The following ROCK1 variants were observed in gnomAD, a reference collection of about 807,000 sequenced individuals.
ROCK1 encodes rho-associated protein kinase 1.
In ROCK1, 36 loss-of-function variants were observed where a neutral mutation model predicts 196.8. The observed-to-expected ratio is 0.18, with a 90% CI of 0.14 to 0.24. ROCK1 has a LOEUF of 0.24. ROCK1 is among the 10% of genes least tolerant of loss of function. ROCK1 has a pLI of 1.00. For missense variants in ROCK1, 920 were observed against 1,562.0 expected (o/e 0.59, Z 6.93); for synonymous variants, 443 against 515.9 (o/e 0.86, Z 1.91).
At chr18:21,071,105 CTTCT>C (rs778161045) in intron 1 of ROCK1, among the ~76,000 whole-genome samples, 62 of 150,562 alleles carry the variant, frequency 4.1e-4, no homozygotes, top group African/African-American at 1.4e-3. Flanking sequence ...TGTCATGGGT[CTTCT>C]TTCTTTCTTT....
chr18:20,990,830 G>A (rs1047413951), intron 18 of ROCK1, among the ~76,000 whole-genome samples: 12 of 150,776 alleles, frequency 8.0e-5, no homozygotes, highest in African/African-American at 2.2e-4. Flanking sequence ...ACACCATCTC[G>A]GCTCACTGCA....
At chr18:21,078,869 C>G (rs531549060) in intron 1 of ROCK1, among the ~76,000 whole-genome samples, 184 of 152,238 alleles carry the variant, frequency 1.2e-3, no homozygotes, top group Non-Finnish European at 2.2e-3. Flanking sequence ...AGTGGCTATT[C>G]TCAGGAGGCT....
At chr18:21,042,420 C>G (rs1343205539) in intron 7 of ROCK1, 145 bp downstream of exon 7, 2 of 1,048,978 alleles carry the variant, frequency 1.9e-6, no homozygotes, top group East Asian at 5.3e-5. Flanking sequence ...CTTTTAAAAA[C>G]ACATACGAAG....
At chr18:20,993,021 TG>T (rs963946552) in intron 16 of ROCK1, 84 bp from the exon 17 acceptor site, 24 of 799,032 alleles carry the variant, frequency 3.0e-5, no homozygotes, top group Admixed American at 1.9e-4. Context: ...TTTTAAAAAA[TG>T]TTTTTTTAAT....
At chr18:21,048,422 A>G (rs909627280) in intron 4 of ROCK1, among the ~76,000 whole-genome samples, 1 of 152,184 alleles carries the variant, frequency 6.6e-6, no homozygotes, top group Non-Finnish European at 1.5e-5. Context: ...AAAAAATTCA[A>G]TATTAACTAA....
chr18:21,043,576 G>A (rs1411268184), intron 6 of ROCK1, among the ~76,000 whole-genome samples: 1 of 143,370 alleles, frequency 7.0e-6, no homozygotes, highest in African/African-American at 2.6e-5. Flanking sequence ...TATACATAAT[G>A]TATATGTATA....
intron 1 of ROCK1, among the ~76,000 whole-genome samples, chr18:21,103,711 C>T (rs1029726448): frequency 4.5e-4 from 69 of 152,136 alleles, no homozygotes; most frequent in African/African-American, 1.6e-3. Context: ...TCCAAAAGTG[C>T]TGGGATTACA....
rs544652775 is a variant in ROCK1 at position 21,067,665 on chromosome 18, G to T, written c.175+2867C>A. On this transcript the variant is annotated intron_variant, in intron 2 of 32. Coordinates refer to ENST00000399799, the MANE Select transcript of ROCK1 (RefSeq NM_005406.3). ...GCCTCCCAAAGTGCTGGGATTACAG[G>T]CGTGAGCCACCATGCCTGGCCTTCA... Among the ~76,000 whole-genome samples the T allele has an allele frequency of 1.5e-3, 226 of 152,292 alleles. 1 individual carries two copies. Among genetic ancestry groups the T allele is most frequent in the Non-Finnish European group, 2.7e-3 (187 of 68,022 alleles).
chr18:20,991,248 G>A lies in ROCK1; in HGVS notation c.2071C>T (p.His691Tyr). The A allele has an allele frequency of 1.9e-6, 3 of 1,611,888 alleles. No individual in the cohort carries two copies. Among genetic ancestry groups the A allele is most frequent in the Non-Finnish European group, 2.5e-6 (3 of 1,178,468 alleles). The stretch of plus-strand genomic sequence containing the variant: ...GTTAAACGAGCTTTGGTTACTTTGT[G>A]TTCATTTACCTCTTGTTCTAACCGT... ...QQRLEQEVNE[H>Y]KVTKARLTDK... Residue 691 changes from histidine (H) to tyrosine (Y), a missense_variant, in exon 18 of 33, where the codon CAC becomes TAC. Physicochemically the swap from His to Tyr is moderately conservative, Grantham distance 83. Around this residue, in one of 6 missense-constraint regions of ROCK1, gnomAD observed 520 missense variants for 657.1 expected, o/e 0.79. Coordinates refer to ENST00000399799, the MANE Select transcript of ROCK1 (RefSeq NM_005406.3).
intron 9 of ROCK1, among the ~76,000 whole-genome samples, chr18:21,035,708 G>A (rs910684944): frequency 3.9e-5 from 6 of 152,034 alleles, no homozygotes; most frequent in African/African-American, 1.2e-4. Flanking sequence ...GTCTATTAAC[G>A]GATAAATGGA....
chr18:20,959,123 ATATATAT>A (rs2035295286), intron 29 of ROCK1, among the ~76,000 whole-genome samples: 2 of 50,766 alleles, frequency 3.9e-5, no homozygotes, highest in South Asian at 3.8e-4. Flanking sequence ...ATTATATAAT[ATATATAT>A]TATATATATT....
chr18:21,015,452 T>C lies in ROCK1; in HGVS notation c.1389A>G (p.Ile463Met). Residue 463 changes from isoleucine (I) to methionine (M), a missense_variant, in exon 13 of 33, where the codon ATA becomes ATG. By Grantham distance (10) the Ile-to-Met change is conservative. This residue lies in a region of ROCK1 where 520 missense variants were observed against 657.1 expected (regional missense o/e 0.79). Transcript: ENST00000399799. ...CRTSNIKLDK[I>M]MKELDEEGNQ... Reference sequence around the variant, plus strand: ...GTACCTCTTCATCCAATTCTTTCATTATCTTGTCTAGTTTTATGTTTGAGG... The same window carrying C: ...GTACCTCTTCATCCAATTCTTTCATCATCTTGTCTAGTTTTATGTTTGAGG... 2 of 1,567,558 alleles carry C rather than the reference T, an allele frequency of 1.3e-6. No homozygotes were observed. Among genetic ancestry groups the C allele is most frequent in the Non-Finnish European group, 1.8e-6 (2 of 1,142,286 alleles).
chr18:21,093,266 C>G (rs2036586208), intron 1 of ROCK1, among the ~76,000 whole-genome samples: 1 of 152,150 alleles, frequency 6.6e-6, no homozygotes. Flanking sequence ...ACCAAAGAAG[C>G]CGATCTGGAA....
At chr18:20,965,468 A>C (rs2143350243) in intron 27 of ROCK1, among the ~76,000 whole-genome samples, 1 of 152,228 alleles carries the variant, frequency 6.6e-6, no homozygotes, top group Admixed American at 6.5e-5. Flanking sequence ...GAATGTATAC[A>C]TACATACATA....
At chr18:20,981,763 A>G (rs916714980) in intron 21 of ROCK1, among the ~76,000 whole-genome samples, 4 of 152,234 alleles carry the variant, frequency 2.6e-5, no homozygotes, top group Non-Finnish European at 5.9e-5. Context: ...CAAATGAAAA[A>G]AGAATAAGGG....
At chr18:21,089,562 G>C (rs1376747157) in intron 1 of ROCK1, among the ~76,000 whole-genome samples, 1 of 151,984 alleles carries the variant, frequency 6.6e-6, no homozygotes, top group Admixed American at 6.5e-5. Flanking sequence ...TAATGGGTGG[G>C]GTTTACATCC....
intron 16 of ROCK1, among the ~76,000 whole-genome samples, chr18:21,001,267 T>C (rs2035721625): frequency 6.6e-6 from 1 of 152,148 alleles, no homozygotes; most frequent in Admixed American, 6.5e-5. Context: ...TGCCAGGAGA[T>C]AGTGGAGCGG....
intron 1 of ROCK1, among the ~76,000 whole-genome samples, chr18:21,092,374 G>A (rs1194611712): frequency 6.6e-6 from 1 of 151,994 alleles, no homozygotes; most frequent in Non-Finnish European, 1.5e-5. Context: ...TTGAGCCCAG[G>A]AGTTCAAGAC....
At chr18:21,050,422 G>A (rs568612539) in intron 2 of ROCK1, among the ~76,000 whole-genome samples, 136 of 150,470 alleles carry the variant, frequency 9.0e-4, no homozygotes, top group Admixed American at 1.5e-3. Flanking sequence ...TTTGAACCTA[G>A]ATTTTAACTT....
Sources: allele counts gnomAD v4.1 joint callset (sites outside exome capture counted in the v4.1 genomes callset), GRCh38; gene constraint gnomAD v4.1.1; regional missense constraint gnomAD v4.1.1; transcripts MANE v1.5; gene names NCBI Gene and HGNC (gene_info 2026-07-23, HGNC 2026-07-21).